The following SP100 variants were observed in gnomAD, a reference collection of about 807,000 sequenced individuals.
The protein encoded by SP100 is nuclear autoantigen Sp-100.
SP100 carries 84 observed loss-of-function variants against 130.0 expected under a neutral mutation model. The observed-to-expected ratio is 0.65, with a 90% CI of 0.54 to 0.77. SP100 has a LOEUF of 0.77. Ranked by LOEUF, SP100 falls within the 30% of genes least tolerant of loss-of-function variation. The probability of loss-of-function intolerance (pLI) is 0.00; values close to 1 mark genes in which losing one functional copy is unlikely to be tolerated. For synonymous variants in SP100, 331 were observed against 351.7 expected (o/e 0.94, Z 0.66); for missense variants, 978 against 1,052.2 (o/e 0.93, Z 0.97).
rs760845132 is a variant in SP100, at chr2:230,539,426, G to A, written c.2210+44G>A. The stretch of plus-strand genomic sequence containing the variant: ...CTTCCCTGAGCCCTTCCTTCTTGTG[G>A]TACAGCTCCTCCTGCCACTCATGAG... On this transcript the variant is annotated intron_variant, in intron 25 of 28. Coordinates refer to ENST00000340126, the MANE Select transcript of SP100 (RefSeq NM_001080391.2). 8.8e-6 allele frequency: 12 copies of A among 1,359,510 alleles called. No individual in the cohort carries two copies. In the Admixed American group the frequency reaches 1.4e-4, roughly 15 times the overall value. 84.2% of individuals were successfully genotyped at this position (1,359,510 alleles called of 1,614,324 possible). A position where few individuals can be genotyped will look rare whatever the true frequency, so the allele number is the denominator to read the frequency against.
chr2:230,421,435 C>T (rs1321438988), intron 2 of SP100, among the ~76,000 whole-genome samples: 3 of 151,718 alleles, frequency 2.0e-5, no homozygotes, highest in African/African-American at 7.3e-5. Context: ...CTCTTTCTTG[C>T]TTTACTATCT....
At chr2:230,515,706 C>T (rs1690880104) in intron 24 of SP100, 1 of 1,531,656 alleles carries the variant, frequency 6.5e-7, no homozygotes, top group Non-Finnish European at 8.7e-7. Flanking sequence ...CAACTCACTC[C>T]TTTTAAAGAA....
chr2:230,431,537 T>G (rs566124009), intron 2 of SP100, among the ~76,000 whole-genome samples: 50 of 152,336 alleles, frequency 3.3e-4, no homozygotes, highest in Admixed American at 2.7e-3. Flanking sequence ...CATCCTTGTC[T>G]ATGGATAGTT....
chr2:230,507,990 T>C lies in SP100; in HGVS notation c.2014-3T>C, dbSNP rs1236380804. On this transcript the variant is annotated splice_region_variant and splice_polypyrimidine_tract_variant and intron_variant, in intron 22 of 28. Transcript: ENST00000340126. The stretch of plus-strand genomic sequence containing the variant: ...CAAATCATTTATCTCTTTTCTTTTT[T>C]AGAACAAATTTCTGCCAGAACCACC... 6.2e-7 allele frequency: 1 copy of C among 1,613,118 alleles called. No individual in the cohort carries two copies. Among genetic ancestry groups the C allele is most frequent in the African/African-American group, 1.3e-5 (1 of 74,994 alleles).
intron 23 of SP100, chr2:230,509,014 G>A (rs965898574): frequency 6.6e-6 from 1 of 152,340 alleles, no homozygotes; most frequent in Admixed American, 6.6e-5. Context: ...TTTGGACTGG[G>A]AGGCAGAGTG....
intron 13 of SP100, among the ~76,000 whole-genome samples, chr2:230,468,134 C>G (rs111990080): frequency 0.025 from 3,826 of 152,226 alleles, 181 homozygotes; most frequent in African/African-American, 0.088. Context: ...GATGGGGAAA[C>G]TAAGGCACAC....
intron 17 of SP100, among the ~76,000 whole-genome samples, chr2:230,492,045 C>G (rs1184089796): frequency 6.6e-6 from 1 of 152,064 alleles, no homozygotes; most frequent in Non-Finnish European, 1.5e-5. Flanking sequence ...CTTTGGTGCT[C>G]TATTTTAGAC....
intron 24 of SP100, among the ~76,000 whole-genome samples, chr2:230,533,511 G>A (rs1691799047): frequency 6.6e-6 from 1 of 152,114 alleles, no homozygotes; most frequent in Non-Finnish European, 1.5e-5. Context: ...TAAGTTACAG[G>A]GCTTTAACTT....
chr2:230,499,405 T>A (rs1216742818), intron 19 of SP100, among the ~76,000 whole-genome samples: 2 of 142,230 alleles, frequency 1.4e-5, no homozygotes, highest in African/African-American at 5.4e-5. Context: ...TACAGACAAA[T>A]TTGTCATCTA....
intron 17 of SP100, among the ~76,000 whole-genome samples, chr2:230,483,534 T>A (rs1224750248): frequency 6.6e-6 from 1 of 152,174 alleles, no homozygotes; most frequent in East Asian, 1.9e-4. Flanking sequence ...AGTTTTGAGC[T>A]GGGGACTATA....
chr2:230,445,401 A>G (rs879473567), intron 4 of SP100, among the ~76,000 whole-genome samples: 16 of 152,244 alleles, frequency 1.1e-4, no homozygotes, highest in Non-Finnish European at 2.4e-4. Context: ...ATTTGGCTAA[A>G]TCTGAGAGTG....
intron 2 of SP100, among the ~76,000 whole-genome samples, chr2:230,418,560 C>G (rs535033349): frequency 6.6e-5 from 10 of 152,046 alleles, no homozygotes; most frequent in African/African-American, 2.4e-4. Flanking sequence ...CCAAACTTCC[C>G]GTTTGCTTAG....
chr2:230,507,891 G>C, intron 22 of SP100, 102 bp from the exon 23 acceptor site: 1 of 963,060 alleles, frequency 1.0e-6, no homozygotes, highest in Non-Finnish European at 1.6e-6. Context: ...TGAGTTAATA[G>C]TGGGATATCC....
Position 230,473,000 on chromosome 2 carries a change from G to A in SP100, c.1430-324G>A, listed in dbSNP as rs1320192535. The A allele has an allele frequency of 3.7e-5, 7 of 190,858 alleles. No individual in the cohort carries two copies. In the East Asian group the frequency reaches 9.7e-4, roughly 27 times the overall value. The allele number at this position is 190,858 out of a possible 1,614,324, so 11.8% of individuals were successfully genotyped here. ...TGAAGGCCTTAGACTTCACCACTTG[G>A]ATGTTACTCAAGACCTTCAAACTTA... On this transcript the variant is annotated intron_variant, in intron 15 of 28. Coordinates refer to ENST00000340126, the MANE Select transcript of SP100 (RefSeq NM_001080391.2).
At position 230,540,940 on chromosome 2, in the gene SP100, T is replaced by A. The variant is rs997622229; in HGVS notation, c.2275T>A (p.Ser759Thr). Residue 759 changes from serine to threonine, a missense_variant, in exon 26 of 29, where the codon TCA becomes ACA. Coordinates refer to ENST00000340126, the MANE Select transcript of SP100 (RefSeq NM_001080391.2). ...TCAGGAAAGATGCCCAGAAAGCCAATCAGGTCATCAGGAATCTGAAGTCCT... is the reference window on the plus strand; with the variant it reads ...TCAGGAAAGATGCCCAGAAAGCCAAACAGGTCATCAGGAATCTGAAGTCCT... ...TIQERCPESQ[S>T]GHQESEVLMR... 2.5e-6 allele frequency: 4 copies of A among 1,613,606 alleles called. No individual in the cohort carries two copies. The highest frequency in any genetic ancestry group is 2.7e-5 in the African/African-American group (2 of 74,888).
At chr2:230,488,200 T>C (rs988312739) in intron 17 of SP100, among the ~76,000 whole-genome samples, 2 of 152,206 alleles carry the variant, frequency 1.3e-5, no homozygotes, top group Admixed American at 1.3e-4. Flanking sequence ...CTGATTGCCC[T>C]GGCCAGAACT....
At chr2:230,540,676 C>G (rs1270381932) in intron 25 of SP100, among the ~76,000 whole-genome samples, 200 bp from the exon 26 acceptor site, 1 of 152,122 alleles carries the variant, frequency 6.6e-6, no homozygotes, top group South Asian at 2.1e-4. Flanking sequence ...CAGATGATCA[C>G]CCCTGCTATC....
At chr2:230,421,008 A>G (rs941451499) in intron 2 of SP100, among the ~76,000 whole-genome samples, 6 of 152,210 alleles carry the variant, frequency 3.9e-5, no homozygotes, top group Admixed American at 1.3e-4. Flanking sequence ...TTCTCATAAT[A>G]CATCACAGTT....
chr2:230,439,595 T>C (rs1184673629), intron 2 of SP100, among the ~76,000 whole-genome samples: 1 of 152,008 alleles, frequency 6.6e-6, no homozygotes, highest in Non-Finnish European at 1.5e-5. Flanking sequence ...TTTTTTTGGT[T>C]TATTTTTTAT....
Sources: gnomAD v4.1 joint callset for allele counts (sites outside exome capture counted in the v4.1 genomes callset) on GRCh38, gnomAD v4.1.1 for gene constraint, MANE v1.5 for transcripts, NCBI Gene and HGNC (gene_info 2026-07-23, HGNC 2026-07-21) for gene names.